The following ETNK1 variants were observed in gnomAD, a reference collection of about 807,000 sequenced individuals.
ETNK1 encodes putative protein product of Nbla10396.
Under a neutral mutation model 45.1 loss-of-function variants are expected in ETNK1, and 8 were observed. That is an observed-to-expected ratio of 0.18 (90% confidence interval 0.10 to 0.32). The LOEUF is 0.32. Among genes scored for constraint, ETNK1 ranks in the 10% least tolerant of loss-of-function variants. The probability of loss-of-function intolerance (pLI) is 1.00; values close to 1 mark genes in which losing one functional copy is unlikely to be tolerated. For synonymous variants in ETNK1, 152 were observed against 151.9 expected, an observed-to-expected ratio of 1.00 and a Z score of -0.01; for missense variants, 302 against 430.6, an observed-to-expected ratio of 0.70 and a Z score of 2.64.
At chr12:22,630,557 T>G (rs1286633228) in intron 1 of ETNK1, among the ~76,000 whole-genome samples, 1 of 152,208 alleles carries the variant, frequency 6.6e-6, no homozygotes, top group Non-Finnish European at 1.5e-5. Context: ...AGCTTACTCA[T>G]CATTTAGGAC....
At chr12:22,682,358 A>G (rs2137578765) in intron 6 of ETNK1, 1 of 426,230 alleles carries the variant, frequency 2.3e-6, no homozygotes, top group South Asian at 1.7e-5. Context: ...TCTTTTTTAT[A>G]GTTGAGAAAA....
intron 3 of ETNK1, among the ~76,000 whole-genome samples, 189 bp from the exon 4 acceptor site, chr12:22,660,874 T>C (rs971375799): frequency 1.3e-5 from 2 of 152,170 alleles, no homozygotes; most frequent in Admixed American, 6.5e-5. Context: ...CAGTTTCTTC[T>C]ATTCATGTCT....
intron 2 of ETNK1, 108 bp from the exon 3 acceptor site, chr12:22,658,906 A>G (rs1465532508): frequency 8.7e-7 from 1 of 1,146,782 alleles, no homozygotes; most frequent in East Asian, 2.4e-5. Context: ...AGGTAGGTCT[A>G]CAAGAAGATT....
chr12:22,686,230 G>T lies in ETNK1; in HGVS notation c.*1276G>T, dbSNP rs562008074. On this transcript the variant is annotated 3_prime_UTR_variant, in exon 8 of 8. Coordinates refer to ENST00000266517, the MANE Select transcript of ETNK1 (RefSeq NM_018638.5). ...TGGTGGTAAGAGGGAGGTAATTATT[G>T]TATGGAAAGAAGTTAGATCTTTCAG... 1 of 152,244 alleles carries T rather than the reference G, an allele frequency of 6.6e-6. No homozygotes were observed. The highest frequency in any genetic ancestry group is 6.6e-5 in the Admixed American group (1 of 15,218). The allele number at this position is 152,244 out of a possible 1,614,324, so 9.4% of individuals were successfully genotyped here. A position where few individuals can be genotyped will look rare whatever the true frequency, so the allele number is the denominator to read the frequency against.
intron 6 of ETNK1, among the ~76,000 whole-genome samples, chr12:22,684,181 C>T (rs1289345105): frequency 6.6e-6 from 1 of 152,132 alleles, no homozygotes; most frequent in Admixed American, 6.6e-5. Context: ...ATTAAAAACA[C>T]TAACATCTAT....
At chr12:22,668,638 C>T (rs1424424480) in intron 4 of ETNK1, among the ~76,000 whole-genome samples, 1 of 152,138 alleles carries the variant, frequency 6.6e-6, no homozygotes. Flanking sequence ...CGGCGCACCC[C>T]GTGCTTCTTA....
chr12:22,629,535 G>T (rs1395903410), intron 1 of ETNK1, among the ~76,000 whole-genome samples: 1 of 152,040 alleles, frequency 6.6e-6, no homozygotes, highest in East Asian at 1.9e-4. Flanking sequence ...ATTGATAGTT[G>T]ATATTTTATA....
chr12:22,681,080 T>C (rs1399879176), intron 6 of ETNK1, among the ~76,000 whole-genome samples: 1 of 152,106 alleles, frequency 6.6e-6, no homozygotes, highest in Non-Finnish European at 1.5e-5. Flanking sequence ...GAATTTATTA[T>C]TTTTTTGGAT....
chr12:22,643,099 G>C (rs887133855), intron 1 of ETNK1, among the ~76,000 whole-genome samples: 1 of 151,774 alleles, frequency 6.6e-6, no homozygotes, highest in Admixed American at 6.6e-5. Flanking sequence ...AGCCATAGTG[G>C]TTAAATTATA....
intron 1 of ETNK1, 92 bp from the exon 2 acceptor site, chr12:22,643,671 T>C: frequency 1.0e-6 from 1 of 969,650 alleles, no homozygotes; most frequent in Middle Eastern, 2.3e-4. Flanking sequence ...TTTTCTTTAA[T>C]TAGTATTTAA....
At chr12:22,639,038 G>A (rs113656603) in intron 1 of ETNK1, 10 of 151,868 alleles carry the variant, frequency 6.6e-5, no homozygotes, top group Non-Finnish European at 1.2e-4. Context: ...ATTTTTATAC[G>A]TATTTGTTTG....
chr12:22,672,186 T>TTAA (rs944538617), intron 5 of ETNK1, among the ~76,000 whole-genome samples: 40 of 152,242 alleles, frequency 2.6e-4, no homozygotes, highest in African/African-American at 9.6e-4. Flanking sequence ...TTTACCCCTA[T>TTAA]TAATTTATAA....
rs1246643052 is a variant in ETNK1 at position 22,632,398 on chromosome 12, AT to A, written c.156+6816del. Among the ~76,000 whole-genome samples the A allele has an allele frequency of 8.3e-4, 126 of 152,028 alleles. 1 individual carries two copies. The highest frequency in any genetic ancestry group is 8.8e-5 in the Non-Finnish European group (6 of 67,950). On this transcript the variant is annotated intron_variant, in intron 1 of 7. Coordinates refer to ENST00000266517, the MANE Select transcript of ETNK1 (RefSeq NM_018638.5). ...TTTTTTTCACTAGCCCTTTATAAAC[AT>A]TTTCCCATGTTTGAATGGTATTGAC...
chr12:22,669,201 ATC>A (rs145756821), intron 4 of ETNK1, among the ~76,000 whole-genome samples: 7,098 of 152,222 alleles, frequency 0.047, 540 homozygotes, highest in African/African-American at 0.16. Context: ...GTGGATAGGT[ATC>A]TCTGAAATCA....
chr12:22,674,742 AATCCCACTGT>A (rs1228082532), intron 6 of ETNK1, among the ~76,000 whole-genome samples: 7 of 152,232 alleles, frequency 4.6e-5, no homozygotes, highest in South Asian at 2.1e-4. Flanking sequence ...CTTAACCATC[AATCCCACTGT>A]TTGCTATTAG....
chr12:22,680,896 G>C (rs185491), intron 6 of ETNK1, among the ~76,000 whole-genome samples: 24,485 of 47,920 alleles, frequency 0.51, 5,304 homozygotes, highest in East Asian at 0.77. Context: ...TTCTTCCCCC[G>C]CCCCCCCCTC....
intron 4 of ETNK1, among the ~76,000 whole-genome samples, chr12:22,670,575 A>G (rs1954097934): frequency 6.6e-6 from 1 of 152,134 alleles, no homozygotes; most frequent in South Asian, 2.1e-4. Context: ...ATAGGCATCT[A>G]TTTAGCTTAT....
At chr12:22,628,985 T>C (rs1953539614) in intron 1 of ETNK1, among the ~76,000 whole-genome samples, 1 of 152,086 alleles carries the variant, frequency 6.6e-6, no homozygotes, top group African/African-American at 2.4e-5. Context: ...CCAGATTCTA[T>C]ACTTTACTAG....
chr12:22,671,040 A>G (rs542422590), intron 4 of ETNK1: 72 of 385,946 alleles, frequency 1.9e-4, no homozygotes, highest in South Asian at 3.8e-4. Context: ...TCTTTAAAAA[A>G]GTGGACATTA....
Sources: allele counts gnomAD v4.1 joint callset (sites outside exome capture counted in the v4.1 genomes callset), GRCh38; gene constraint gnomAD v4.1.1; transcripts MANE v1.5; gene names NCBI Gene and HGNC (gene_info 2026-07-23, HGNC 2026-07-21).